PPP2R2D: variants seen among roughly 807,000 people sequenced by gnomAD.
PPP2R2D encodes protein phosphatase 2 regulatory subunit Bdelta, also known as serine/threonine-protein phosphatase 2A 55 kDa regulatory subunit B delta isoform.
Under a neutral mutation model 31.1 loss-of-function variants are expected in PPP2R2D, and 9 were observed. That is an observed-to-expected ratio of 0.29 (90% confidence interval 0.17 to 0.51). The LOEUF (loss-of-function observed/expected upper bound fraction) is 0.51, where lower values mean the gene tolerates loss of function less well. Ranked by LOEUF, PPP2R2D falls within the 20% of genes least tolerant of loss-of-function variation. The pLI, the probability that PPP2R2D is intolerant of heterozygous loss-of-function variation, is 0.98. For synonymous variants in PPP2R2D, 179 were observed against 172.6 expected, an observed-to-expected ratio of 1.04 and a Z score of -0.29; for missense variants, 391 against 465.6, an observed-to-expected ratio of 0.84 and a Z score of 1.48.
chr10:131,950,718 A>G (rs904948086), intron 8 of PPP2R2D, among the ~76,000 whole-genome samples: 4 of 152,164 alleles, frequency 2.6e-5, no homozygotes, highest in African/African-American at 7.2e-5. Context: ...GAGCAGTGCA[A>G]ACTCTGAAGC....
rs782548353 is a variant in PPP2R2D, at chr10:131,956,798, C to A, written c.*835C>A. 1 of 158,172 alleles carries A rather than the reference C, an allele frequency of 6.3e-6. No homozygotes were observed. The highest frequency in any genetic ancestry group is 1.4e-5 in the Non-Finnish European group (1 of 73,458). 9.8% of individuals were successfully genotyped at this position (158,172 alleles called of 1,614,324 possible). A position where few individuals can be genotyped will look rare whatever the true frequency, so the allele number is the denominator to read the frequency against. ...GAGAAAGAAAATTGCAAGGAAGAAC[C>A]AAAATTGCTGCCATCCAGTAAGCCT... On this transcript the variant is annotated 3_prime_UTR_variant, in exon 9 of 9. Transcript: ENST00000455566.
chr10:131,915,627 A>T (rs150845277), intron 2 of PPP2R2D, among the ~76,000 whole-genome samples: 129 of 152,212 alleles, frequency 8.5e-4, no homozygotes, highest in African/African-American at 3.0e-3. Flanking sequence ...TGTTTATCCA[A>T]ATAGATCCAT....
At position 131,945,565 on chromosome 10, in the gene PPP2R2D, GTCT is replaced by G; in HGVS notation, c.820+110_820+112del. 4 of 1,359,434 alleles carry G rather than the reference GTCT, an allele frequency of 2.9e-6. No homozygotes were observed. The highest frequency in any genetic ancestry group is 3.0e-6 in the Non-Finnish European group (3 of 1,007,846). 84.2% of individuals were successfully genotyped at this position (1,359,434 alleles called of 1,614,324 possible). A position where few individuals can be genotyped will look rare whatever the true frequency, so the allele number is the denominator to read the frequency against. ...AGCTCCGCCTCCCGGGTTCCAGCAAGTCTTCTGCCTCGGCCTCCCGAGTAGCTG... is the reference window on the plus strand; with the variant it reads ...AGCTCCGCCTCCCGGGTTCCAGCAAGTCTGCCTCGGCCTCCCGAGTAGCTG... On this transcript the variant is annotated intron_variant, in intron 7 of 8. Transcript: ENST00000455566. The surrounding 1 kb of genome is among the most constrained non-coding windows in gnomAD (Gnocchi z 4.8).
At chr10:131,948,418 G>A (rs1433863648) in intron 8 of PPP2R2D, among the ~76,000 whole-genome samples, 4 of 152,118 alleles carry the variant, frequency 2.6e-5, no homozygotes, top group African/African-American at 9.7e-5. Context: ...TAGAATTTTT[G>A]TTCAGAATTC....
the PPP2R2D span, chr10:131,970,541 G>A: frequency 5.8e-5 from 85 of 1,465,650 alleles, no homozygotes; most frequent in Non-Finnish European, 7.7e-5. This position sits in a 1 kb window ranked among gnomAD's most constrained non-coding sequence, Gnocchi z 4.1. Context: ...TGTAACTGAT[G>A]ATCTGGACTT....
rs1194370970 is a variant in PPP2R2D, at chr10:131,945,987, CG to C, written c.820+532del. On this transcript the variant is annotated intron_variant, in intron 7 of 8. Transcript: ENST00000455566. The surrounding 1 kb of genome is among the most constrained non-coding windows in gnomAD (Gnocchi z 4.8). ...GTGTGCTTTTGGCACCACCGAGAAG[CG>C]GGGTCACTTCTGCCCAGAGCCTGGG... 1 of 152,874 alleles carries C rather than the reference CG, an allele frequency of 6.5e-6. No homozygotes were observed. The highest frequency in any genetic ancestry group is 2.4e-5 in the African/African-American group (1 of 41,380). The allele number at this position is 152,874 out of a possible 1,614,324, so 9.5% of individuals were successfully genotyped here.
At chr10:131,932,610 T>C (rs1385255184) in intron 2 of PPP2R2D, among the ~76,000 whole-genome samples, 1 of 125,272 alleles carries the variant, frequency 8.0e-6, no homozygotes, top group Non-Finnish European at 1.6e-5. Context: ...GAGGTTGCGG[T>C]GAGCCAAGAT....
chr10:131,943,530 C>G (rs782820384), intron 5 of PPP2R2D, among the ~76,000 whole-genome samples: 2 of 152,050 alleles, frequency 1.3e-5, no homozygotes, highest in Non-Finnish European at 2.9e-5. Flanking sequence ...GGGTTTGCAC[C>G]GAGAAGCATA....
chr10:131,919,580 G>A lies in PPP2R2D; in HGVS notation c.101-14878G>A, dbSNP rs550299273. Among the ~76,000 whole-genome samples the A allele has an allele frequency of 3.2e-4, 36 of 114,054 alleles. 5 individuals carry two copies. In the East Asian group the frequency reaches 5.8e-3, roughly 18 times the overall value. 74.8% of individuals were successfully genotyped at this position (114,054 alleles called of 152,430 possible). ...ACAATGTAGGGATCTCACGTGGGTG[G>A]AATGACAGTGTTTGTAGGGACCTCA... On this transcript the variant is annotated intron_variant, in intron 2 of 8. Transcript: ENST00000455566.
downstream of PPP2R2D, among the ~76,000 whole-genome samples, chr10:131,963,191 G>C (rs1449949070): frequency 6.6e-6 from 1 of 152,204 alleles, no homozygotes; most frequent in Admixed American, 6.5e-5. Flanking sequence ...GTCTTTTTAA[G>C]TGTGTCTGTT....
rs978093429 is a variant in PPP2R2D, at chr10:131,907,745, A to G, written c.100+6415A>G. On this transcript the variant is annotated intron_variant, in intron 2 of 8. Coordinates refer to ENST00000455566, the MANE Select transcript of PPP2R2D (RefSeq NM_018461.5). Reference sequence around the variant, plus strand: ...GGCAGCAGAGCGAGACTCCATATCAAAAAAAAAAAAAAAAGATTCACAGAC... The same window carrying G: ...GGCAGCAGAGCGAGACTCCATATCAGAAAAAAAAAAAAAAGATTCACAGAC... 2.6e-5 allele frequency among the ~76,000 whole-genome samples: 3 copies of G among 115,490 alleles called. No individual in the cohort carries two copies. In the South Asian group the frequency reaches 9.9e-4, roughly 38 times the overall value. 75.8% of individuals were successfully genotyped at this position (115,490 alleles called of 152,430 possible). A position where few individuals can be genotyped will look rare whatever the true frequency, so the allele number is the denominator to read the frequency against.
In PPP2R2D at chr10:131,904,598, TTTG is replaced by T. The variant is rs1222677175; in HGVS notation, c.100+3271_100+3273del. On this transcript the variant is annotated intron_variant, in intron 2 of 8. Transcript: ENST00000455566. ...AGAACTTAAGGTATAGCAGATTTTG[TTTG>T]TTTAGATTTGTGGCTTGTGAGGCAT... is the stretch of plus-strand genomic sequence containing the variant. Among the ~76,000 whole-genome samples, 606 of 152,310 alleles carry T rather than the reference TTTG, an allele frequency of 4.0e-3. 1 individual carries two copies. The highest frequency in any genetic ancestry group is 5.2e-3 in the Non-Finnish European group (353 of 68,022).
intron 2 of PPP2R2D, among the ~76,000 whole-genome samples, chr10:131,928,694 G>T (rs1252384399): frequency 6.6e-6 from 1 of 152,244 alleles, no homozygotes. Context: ...GCTGGCGGCA[G>T]TGAAGATCCA....
intron 2 of PPP2R2D, among the ~76,000 whole-genome samples, chr10:131,920,979 A>G (rs1217218803): frequency 1.5e-4 from 23 of 152,240 alleles, no homozygotes; most frequent in African/African-American, 5.3e-4. Context: ...TTTCTAATAA[A>G]TGTTAATAGA....
Position 131,907,758 on chromosome 10 carries a change from A to G in PPP2R2D, c.100+6428A>G, listed in dbSNP as rs1248381733. Among the ~76,000 whole-genome samples, 6 of 152,136 alleles carry G rather than the reference A, an allele frequency of 3.9e-5. No homozygotes were observed. In the South Asian group the frequency reaches 8.3e-4, roughly 21 times the overall value. On this transcript the variant is annotated intron_variant, in intron 2 of 8. Coordinates refer to ENST00000455566, the MANE Select transcript of PPP2R2D (RefSeq NM_018461.5). ...GACTCCATATCAAAAAAAAAAAAAAAAGATTCACAGACTCATCATGCTTAG... is the reference window on the plus strand; with the variant it reads ...GACTCCATATCAAAAAAAAAAAAAAGAGATTCACAGACTCATCATGCTTAG...
chr10:131,952,106 TCGC>T (rs1554898864), intron 8 of PPP2R2D, among the ~76,000 whole-genome samples: 5 of 131,648 alleles, frequency 3.8e-5, no homozygotes, highest in South Asian at 2.8e-4. Flanking sequence ...GCAGGGGGGT[TCGC>T]TGTCTTAGCA....
At chr10:131,949,174 A>G (rs782002702) in intron 8 of PPP2R2D, among the ~76,000 whole-genome samples, 3 of 152,120 alleles carry the variant, frequency 2.0e-5, no homozygotes, top group Non-Finnish European at 4.4e-5. Flanking sequence ...CCGGGTTCTC[A>G]TGGCACAGCT....
chr10:131,944,339 GAA>G (rs1180119928), intron 6 of PPP2R2D, among the ~76,000 whole-genome samples, 194 bp downstream of exon 6: 7 of 152,016 alleles, frequency 4.6e-5, no homozygotes, highest in Non-Finnish European at 1.0e-4. Flanking sequence ...CTACCTTTGG[GAA>G]AAAGTTATCT....
chr10:131,940,653 G>C lies in PPP2R2D; in HGVS notation c.436G>C (p.Asp146His). 1.3e-6 allele frequency: 1 copy of C among 778,940 alleles called. No homozygotes were observed. The highest frequency in any genetic ancestry group is 2.4e-6 in the Non-Finnish European group (1 of 417,094). 48.3% of individuals were successfully genotyped at this position (778,940 alleles called of 1,614,324 possible). Residue 146 changes from aspartate (D) to histidine (H), a missense_variant, in exon 5 of 9, where the codon GAT (aspartate) becomes CAT (histidine). This residue lies in a region of PPP2R2D where 105 missense variants were observed against 98.5 expected (regional missense o/e 1.07). Transcript: ENST00000455566. Reference protein sequence around the residue: ...RAEGYNLKDEDGRLRDPFRIT... With the variant: ...RAEGYNLKDEHGRLRDPFRIT... Reference sequence around the variant, plus strand: ...AGAAGGTTATAACCTGAAAGACGAAGATGGAAGACTTCGAGACCCATTTAG... The same window carrying C: ...AGAAGGTTATAACCTGAAAGACGAACATGGAAGACTTCGAGACCCATTTAG...
Sources: gnomAD v4.1 joint callset for allele counts (sites outside exome capture counted in the v4.1 genomes callset) on GRCh38, gnomAD v4.1.1 for gene constraint, gnomAD v4.1.1 regional missense constraint, Gnocchi (gnomAD v3.1) non-coding constraint, MANE v1.5 for transcripts, NCBI Gene and HGNC (gene_info 2026-07-23, HGNC 2026-07-21) for gene names.